ITGA11: variants seen among roughly 807,000 people sequenced by gnomAD.
The protein encoded by ITGA11 is integrin subunit alpha 11, also known as integrin alpha-11.
In ITGA11, 97 loss-of-function variants were observed where a neutral mutation model predicts 141.9. The observed-to-expected ratio is 0.68, with a 90% CI of 0.58 to 0.81. The LOEUF (loss-of-function observed/expected upper bound fraction) is 0.81, where lower values mean the gene tolerates loss of function less well. Among genes scored for constraint, ITGA11 ranks in the 30% least tolerant of loss-of-function variants. ITGA11 has a pLI of 0.00. For missense variants in ITGA11, 1,387 were observed against 1,559.2 expected (o/e 0.89, Z 1.86); for synonymous variants, 658 against 624.6 (o/e 1.05, Z -0.80).
chr15:68,390,657 G>C (rs1896097524), intron 2 of ITGA11, among the ~76,000 whole-genome samples: 1 of 152,200 alleles, frequency 6.6e-6, no homozygotes, highest in Non-Finnish European at 1.5e-5. Context: ...GGGTCAGAGG[G>C]AGCCTCTCAA....
intron 2 of ITGA11, among the ~76,000 whole-genome samples, chr15:68,376,401 T>C (rs1895730456): frequency 1.3e-5 from 2 of 152,246 alleles, no homozygotes; most frequent in African/African-American, 4.8e-5. Context: ...GTGTCTGATG[T>C]TGGCTTCTTT....
Position 68,321,590 on chromosome 15 carries a change from A to T in ITGA11, c.2323-87T>A. 1.4e-6 allele frequency: 1 copy of T among 730,204 alleles called. No individual in the cohort carries two copies. Among genetic ancestry groups the T allele is most frequent in the South Asian group, 2.1e-5 (1 of 47,874 alleles). The allele number at this position is 730,204 out of a possible 1,614,324, so 45.2% of individuals were successfully genotyped here. A position where few individuals can be genotyped will look rare whatever the true frequency, so the allele number is the denominator to read the frequency against. ...TGTACACCAGCTCTGTCTCCACCAC[A>T]CTAGACATGGGCTGGCTTTCCTGCA... On this transcript the variant is annotated intron_variant, in intron 18 of 29. Coordinates refer to ENST00000315757, the MANE Select transcript of ITGA11 (RefSeq NM_001004439.2). The surrounding 1 kb of genome is among the most constrained non-coding windows in gnomAD (Gnocchi z 4.9).
intron 21 of ITGA11, among the ~76,000 whole-genome samples, chr15:68,316,964 T>G (rs1389175224): frequency 6.6e-6 from 1 of 152,062 alleles, no homozygotes; most frequent in Non-Finnish European, 1.5e-5. Flanking sequence ...GGCCAGAAAT[T>G]TGAAAAACTT....
In ITGA11 at chr15:68,313,853, C is replaced by A. The variant is rs781207165; in HGVS notation, c.2808G>T (p.Arg936=). 11 of 1,613,752 alleles carry A rather than the reference C, an allele frequency of 6.8e-6. No homozygotes were observed. In the Admixed American group the frequency reaches 1.5e-4, roughly 22 times the overall value. Residue 936 remains arginine (R), a synonymous_variant, in exon 23 of 30, where the codon CGG becomes CGT. Coordinates refer to ENST00000315757, the MANE Select transcript of ITGA11 (RefSeq NM_001004439.2). ...ELAAGSDSNE[R]DSTKEDNVAP... ...CCACGTTGTCTTCCTTGGTGCTGTC[C>A]CGCTCATTACTGTCACTGCAAGGAG...
chr15:68,366,406 G>A (rs913078251), intron 3 of ITGA11, among the ~76,000 whole-genome samples: 6 of 152,122 alleles, frequency 3.9e-5, no homozygotes, highest in Non-Finnish European at 7.4e-5. Context: ...GTTTCATCCC[G>A]AGTTCTGTGT....
chr15:68,334,069 C>T (rs1359950587), intron 12 of ITGA11, among the ~76,000 whole-genome samples: 3 of 152,360 alleles, frequency 2.0e-5, no homozygotes, highest in Non-Finnish European at 4.4e-5. Context: ...TGCCCCTTTT[C>T]CATGTGCCTT....
intron 10 of ITGA11, among the ~76,000 whole-genome samples, chr15:68,348,273 C>T (rs973161242): frequency 1.3e-5 from 2 of 152,082 alleles, no homozygotes; most frequent in African/African-American, 4.8e-5. Flanking sequence ...TGATGCAGCA[C>T]CCACACAGTG....
rs1363037778 is a variant in ITGA11 at position 68,326,539 on chromosome 15, GC to G, written c.2211+114del. On this transcript the variant is annotated intron_variant, in intron 17 of 29. Coordinates refer to ENST00000315757, the MANE Select transcript of ITGA11 (RefSeq NM_001004439.2). The surrounding 1 kb of genome is among the most constrained non-coding windows in gnomAD (Gnocchi z 6.8). Reference sequence around the variant, plus strand: ...GGTCAGGGTACACTGTCCCTGGCTGGCTTCCTGAGGTCTGCTGGGGGCTTAG... The same window carrying G: ...GGTCAGGGTACACTGTCCCTGGCTGGTTCCTGAGGTCTGCTGGGGGCTTAG... The G allele has an allele frequency of 8.4e-7, 1 of 1,196,000 alleles. No homozygotes were observed. Among genetic ancestry groups the G allele is most frequent in the Non-Finnish European group, 1.1e-6 (1 of 873,094 alleles). The allele number at this position is 1,196,000 out of a possible 1,614,324, so 74.1% of individuals were successfully genotyped here.
At position 68,333,794 on chromosome 15, in the gene ITGA11, G is replaced by A. The variant is rs1034355672; in HGVS notation, c.1426-1316C>T. Among the ~76,000 whole-genome samples the A allele has an allele frequency of 2.0e-5, 3 of 152,140 alleles. No individual in the cohort carries two copies. The highest frequency in any genetic ancestry group is 7.2e-5 in the African/African-American group (3 of 41,426). The stretch of plus-strand genomic sequence containing the variant: ...CTAAACTCTCTAGCAGGACCGTGCT[G>A]GACCAGCCTCCCTCCCCAGCCTCTG... On this transcript the variant is annotated intron_variant, in intron 12 of 29. Coordinates refer to ENST00000315757, the MANE Select transcript of ITGA11 (RefSeq NM_001004439.2). The surrounding 1 kb of genome is among the most constrained non-coding windows in gnomAD (Gnocchi z 4.2).
intron 1 of ITGA11, among the ~76,000 whole-genome samples, chr15:68,417,617 A>T (rs1896917470): frequency 6.6e-6 from 1 of 151,866 alleles, no homozygotes; most frequent in African/African-American, 2.4e-5. Flanking sequence ...TTTAGAATAG[A>T]TTCTAGACCC....
intron 7 of ITGA11, among the ~76,000 whole-genome samples, chr15:68,352,340 C>G (rs72743249): frequency 0.053 from 8,053 of 151,904 alleles, 358 homozygotes; most frequent in African/African-American, 0.12. Context: ...TTAGAGAGCT[C>G]TGCCACCACG....
chr15:68,350,081 C>T (rs751041714), intron 9 of ITGA11, among the ~76,000 whole-genome samples: 6 of 152,220 alleles, frequency 3.9e-5, no homozygotes, highest in Non-Finnish European at 8.8e-5. Flanking sequence ...TTTCAGTTTT[C>T]CCAGCGATAA....
chr15:68,381,757 T>A (rs932440318), intron 2 of ITGA11, among the ~76,000 whole-genome samples: 1 of 152,212 alleles, frequency 6.6e-6, no homozygotes, highest in East Asian at 1.9e-4. Flanking sequence ...GGTTTTGCCA[T>A]GTTGGCCAGG....
At chr15:68,356,452 C>T (rs1895073091) in intron 7 of ITGA11, among the ~76,000 whole-genome samples, 1 of 152,112 alleles carries the variant, frequency 6.6e-6, no homozygotes, top group East Asian at 1.9e-4. Context: ...TATACAGTCT[C>T]AGGTGTCAGA....
chr15:68,417,857 A>G (rs1013029647), intron 1 of ITGA11, among the ~76,000 whole-genome samples: 15 of 152,250 alleles, frequency 9.9e-5, no homozygotes, highest in African/African-American at 2.4e-4. Flanking sequence ...ATCCATTGCT[A>G]TGGAGAATCT....
Position 68,325,320 on chromosome 15 carries a change from G to A in ITGA11, c.2212-79C>T. On this transcript the variant is annotated intron_variant, in intron 17 of 29. Transcript: ENST00000315757. This position sits in a 1 kb window ranked among gnomAD's most constrained non-coding sequence, Gnocchi z 5.5. ...AGCCAGGACCGTGGATGCTGAGATAGAACTTCCACCTTCCTTAGATGGCAG... is the reference window on the plus strand; with the variant it reads ...AGCCAGGACCGTGGATGCTGAGATAAAACTTCCACCTTCCTTAGATGGCAG... The A allele has an allele frequency of 1.0e-6, 1 of 970,756 alleles. No homozygotes were observed. The highest frequency in any genetic ancestry group is 1.8e-5 in the Admixed American group (1 of 54,378). The allele number at this position is 970,756 out of a possible 1,614,324, so 60.1% of individuals were successfully genotyped here.
At chr15:68,358,410 G>A in intron 6 of ITGA11, 48 bp downstream of exon 6, 1 of 1,554,570 alleles carries the variant, frequency 6.4e-7, no homozygotes, top group Non-Finnish European at 8.7e-7. Flanking sequence ...CCTGCCATGG[G>A]TTTGGGTGGC....
chr15:68,355,633 G>T (rs1237660785), intron 7 of ITGA11, among the ~76,000 whole-genome samples: 1 of 151,886 alleles, frequency 6.6e-6, no homozygotes, highest in African/African-American at 2.4e-5. Flanking sequence ...TTTTTGTAGA[G>T]ATGAGGTCTC....
intron 3 of ITGA11, 71 bp downstream of exon 3, chr15:68,369,113 C>T (rs573284967): frequency 7.0e-5 from 72 of 1,035,614 alleles, no homozygotes; most frequent in African/African-American, 4.4e-4. Context: ...TGGACATGGG[C>T]GTGCATCAGA....
Sources: allele counts gnomAD v4.1 joint callset (sites outside exome capture counted in the v4.1 genomes callset), GRCh38; gene constraint gnomAD v4.1.1; non-coding constraint Gnocchi (gnomAD v3.1); transcripts MANE v1.5; gene names NCBI Gene and HGNC (gene_info 2026-07-23, HGNC 2026-07-21).